MTRF1: variants seen among roughly 807,000 people sequenced by gnomAD.
MTRF1 encodes the protein peptide chain release factor 1, mitochondrial.
A neutral mutation model predicts 62.9 loss-of-function variants in MTRF1; 51 were observed. The ratio of observed to expected loss-of-function variants is 0.81; its 90% CI spans 0.65 to 1.02. The LOEUF is 1.02. Among genes scored for constraint, MTRF1 ranks in the 50% least tolerant of loss-of-function variants. The pLI, the probability that MTRF1 is intolerant of heterozygous loss-of-function variation, is 0.00. For missense variants in MTRF1, 446 were observed against 530.0 expected (o/e 0.84, Z 1.56); for synonymous variants, 158 against 181.9 (o/e 0.87, Z 1.06).
At chr13:41,258,578 A>AC (rs1555267333) in intron 2 of MTRF1, among the ~76,000 whole-genome samples, 44 of 126,192 alleles carry the variant, frequency 3.5e-4, no homozygotes, top group African/African-American at 1.3e-3. Flanking sequence ...AAAAAAACAA[A>AC]AAAAAAAAAC....
chr13:41,261,109 G>A (rs2040402192), intron 1 of MTRF1, among the ~76,000 whole-genome samples, 194 bp from the exon 2 acceptor site: 1 of 152,186 alleles, frequency 6.6e-6, no homozygotes, highest in South Asian at 2.1e-4. Flanking sequence ...TGAGGCAGGC[G>A]GATCACCTGA....
chr13:41,284,653 A>C, the MTRF1 span, among the ~76,000 whole-genome samples: 1 of 152,234 alleles, frequency 6.6e-6, no homozygotes, highest in Middle Eastern at 3.4e-3. Flanking sequence ...TTTGAGACAA[A>C]GTCTCCCTCT....
At chr13:41,231,878 CAAAAAAAAA>C (rs57305711) in intron 7 of MTRF1, among the ~76,000 whole-genome samples, 1 of 104,090 alleles carries the variant, frequency 9.6e-6, no homozygotes, top group Non-Finnish European at 2.0e-5. Context: ...TGGTGTCTAC[CAAAAAAAAA>C]AAAAAAAAAA....
the MTRF1 span, chr13:41,311,316 AG>A: frequency 1.8e-6 from 1 of 552,274 alleles, no homozygotes; most frequent in Non-Finnish European, 3.2e-6. Flanking sequence ...AGCGGAGCCC[AG>A]GGGAAGCGTG....
chr13:41,301,751 A>T, the MTRF1 span, among the ~76,000 whole-genome samples: 1 of 152,092 alleles, frequency 6.6e-6, no homozygotes, highest in Non-Finnish European at 1.5e-5. Flanking sequence ...CCGTCTCAAA[A>T]AAAAAAAAGA....
At chr13:41,311,222 T>TGCGCAC in the MTRF1 span, 1 of 496,494 alleles carries the variant, frequency 2.0e-6, no homozygotes, top group Non-Finnish European at 3.5e-6. Flanking sequence ...GCTCCGCGCA[T>TGCGCAC]GCGCACAGGA....
At chr13:41,241,856 A>G (rs2037541822) in intron 5 of MTRF1, among the ~76,000 whole-genome samples, 1 of 152,216 alleles carries the variant, frequency 6.6e-6, no homozygotes, top group African/African-American at 2.4e-5. Flanking sequence ...CACCAGCTCG[A>G]GCCCTTTGGC....
the MTRF1 span, among the ~76,000 whole-genome samples, chr13:41,272,523 G>C: frequency 1.3e-5 from 2 of 152,182 alleles, no homozygotes; most frequent in East Asian, 3.9e-4. Context: ...GGTAGAGTTG[G>C]TCAAATCTGA....
chr13:41,311,698 C>T, the MTRF1 span: 53 of 946,646 alleles, frequency 5.6e-5, no homozygotes, highest in African/African-American at 5.7e-4. Context: ...GCCCACCGCT[C>T]TTTGTTTACC....
chr13:41,260,405 T>A, intron 2 of MTRF1, 88 bp downstream of exon 2: 2 of 1,220,812 alleles, frequency 1.6e-6, no homozygotes, highest in Non-Finnish European at 2.3e-6. Context: ...ACTTAGAAAA[T>A]CAAATCTGTA....
the MTRF1 span, among the ~76,000 whole-genome samples, chr13:41,281,385 T>G: frequency 2.2e-4 from 33 of 152,276 alleles, no homozygotes; most frequent in South Asian, 1.0e-3. Context: ...TTTTGTTTTT[T>G]TTTTTAAATA....
At chr13:41,224,895 C>T (rs2034079383) in intron 8 of MTRF1, among the ~76,000 whole-genome samples, 1 of 152,108 alleles carries the variant, frequency 6.6e-6, no homozygotes, top group African/African-American at 2.4e-5. Context: ...TGCATAAAGC[C>T]AATCTTGAAT....
the MTRF1 span, among the ~76,000 whole-genome samples, chr13:41,277,892 T>G: frequency 6.6e-6 from 1 of 152,192 alleles, no homozygotes; most frequent in African/African-American, 2.4e-5. Flanking sequence ...ACAACAGATA[T>G]CACTTTGGGG....
the MTRF1 span, among the ~76,000 whole-genome samples, chr13:41,294,105 T>C: frequency 2.6e-5 from 4 of 152,044 alleles, no homozygotes; most frequent in Non-Finnish European, 2.9e-5. Context: ...AATGTATTTT[T>C]GATAGAAAAA....
chr13:41,227,226 G>A (rs1397668313), intron 7 of MTRF1, among the ~76,000 whole-genome samples: 4 of 151,804 alleles, frequency 2.6e-5, no homozygotes, highest in African/African-American at 9.7e-5. Flanking sequence ...GGCGGAGGTT[G>A]CAGTCAGCCG....
the MTRF1 span, chr13:41,288,037 C>T: frequency 2.5e-6 from 1 of 396,078 alleles, no homozygotes; most frequent in African/African-American, 2.1e-5. Context: ...TGCCACTCTG[C>T]ACAGACATTT....
the MTRF1 span, chr13:41,311,123 G>C: frequency 3.6e-6 from 1 of 280,520 alleles, no homozygotes; most frequent in South Asian, 4.5e-5. Flanking sequence ...TGCCGAGATT[G>C]CGGCGAGGAG....
chr13:41,276,287 T>C, the MTRF1 span, among the ~76,000 whole-genome samples: 2 of 152,076 alleles, frequency 1.3e-5, no homozygotes, highest in African/African-American at 2.4e-5. Flanking sequence ...TTCTTGTGCC[T>C]CAGTCTCCCG....
intron 7 of MTRF1, among the ~76,000 whole-genome samples, chr13:41,233,405 AAGG>A (rs778495373): frequency 3.9e-5 from 6 of 152,244 alleles, no homozygotes; most frequent in Non-Finnish European, 7.3e-5. Context: ...TAAAAAAATT[AAGG>A]AGTTAAATAA....
Sources: gnomAD v4.1 joint callset for allele counts (sites outside exome capture counted in the v4.1 genomes callset) on GRCh38, gnomAD v4.1.1 for gene constraint, MANE v1.5 for transcripts, NCBI Gene and HGNC (gene_info 2026-07-23, HGNC 2026-07-21) for gene names.